Variants in TSPAN5 observed in about 807,000 individuals in gnomAD.
TSPAN5 encodes the protein tetraspanin-5.
In TSPAN5, 10 loss-of-function variants were observed where a neutral mutation model predicts 37.1. That is an observed-to-expected ratio of 0.27 (90% CI 0.17 to 0.46). The LOEUF (loss-of-function observed/expected upper bound fraction) is 0.46. Ranked by LOEUF, TSPAN5 falls within the 20% of genes least tolerant of loss-of-function variation. The pLI is 1.00. For missense variants in TSPAN5, 195 were observed against 326.6 expected (o/e 0.60, Z 3.11); for synonymous variants, 110 against 118.9 (o/e 0.93, Z 0.48).
At chr4:98,568,490 C>T (rs990719509) in intron 1 of TSPAN5, among the ~76,000 whole-genome samples, 6 of 151,960 alleles carry the variant, frequency 3.9e-5, no homozygotes, top group Admixed American at 6.6e-5. Context: ...TGCAGTGACC[C>T]GAGATCACTC....
intron 1 of TSPAN5, among the ~76,000 whole-genome samples, chr4:98,515,043 G>C (rs1277252979): frequency 6.6e-6 from 1 of 152,176 alleles, no homozygotes; most frequent in East Asian, 1.9e-4. Context: ...TGACATATAA[G>C]CAAAAACACA....
intron 1 of TSPAN5, among the ~76,000 whole-genome samples, chr4:98,626,160 T>A (rs139295366): frequency 4.7e-5 from 7 of 147,476 alleles, no homozygotes; most frequent in Non-Finnish European, 7.7e-5. Flanking sequence ...TCTGCATCAC[T>A]CACGAACAGC....
chr4:98,575,764 C>A (rs555306272), intron 1 of TSPAN5, among the ~76,000 whole-genome samples: 3 of 94,236 alleles, frequency 3.2e-5, no homozygotes, highest in East Asian at 5.5e-4. Context: ...CTGCGCCCCC[C>A]ACCCCACAAA....
At chr4:98,583,073 A>G (rs1252448941) in intron 1 of TSPAN5, among the ~76,000 whole-genome samples, 1 of 152,180 alleles carries the variant, frequency 6.6e-6, no homozygotes, top group Non-Finnish European at 1.5e-5. Context: ...TCATCCCCTC[A>G]ACCCAACTTC....
At chr4:98,635,015 A>C (rs545067472) in intron 1 of TSPAN5, among the ~76,000 whole-genome samples, 4 of 152,302 alleles carry the variant, frequency 2.6e-5, no homozygotes, top group African/African-American at 9.6e-5. Flanking sequence ...AGCTGGACAG[A>C]AGCACAGGTA....
intron 1 of TSPAN5, 119 bp from the exon 2 acceptor site, chr4:98,507,847 T>G: frequency 1.5e-6 from 1 of 685,898 alleles, no homozygotes; most frequent in Non-Finnish European, 2.4e-6. Flanking sequence ...TCCTAAAGTG[T>G]GAGCACTTAT....
intron 1 of TSPAN5, among the ~76,000 whole-genome samples, chr4:98,602,729 A>C (rs542110609): frequency 6.6e-6 from 1 of 152,348 alleles, no homozygotes; most frequent in South Asian, 2.1e-4. Flanking sequence ...AGATTAGGAA[A>C]GCAAGCTGAT....
At chr4:98,511,885 T>C (rs960242012) in intron 1 of TSPAN5, among the ~76,000 whole-genome samples, 2 of 152,080 alleles carry the variant, frequency 1.3e-5, no homozygotes, top group African/African-American at 4.8e-5. Flanking sequence ...TAGATATTGT[T>C]TTAATCCCCA....
chr4:98,507,584 T>A, intron 2 of TSPAN5, 94 bp downstream of exon 2: 1 of 902,304 alleles, frequency 1.1e-6, no homozygotes, highest in Non-Finnish European at 1.7e-6. Context: ...ATGTTTATAC[T>A]CTGTGGTTGT....
At chr4:98,555,767 T>C (rs762423624) in intron 1 of TSPAN5, among the ~76,000 whole-genome samples, 8 of 152,230 alleles carry the variant, frequency 5.3e-5, no homozygotes, top group Non-Finnish European at 1.2e-4. Context: ...ACTGCTTTCA[T>C]GTGCCTTGCT....
At chr4:98,528,838 C>G (rs1308020189) in intron 1 of TSPAN5, among the ~76,000 whole-genome samples, 1 of 152,226 alleles carries the variant, frequency 6.6e-6, no homozygotes, top group Non-Finnish European at 1.5e-5. Flanking sequence ...CTGCCCACCA[C>G]TCTGCTGGAA....
chr4:98,477,661 CCTTT>C (rs1752734863), intron 5 of TSPAN5, among the ~76,000 whole-genome samples: 1 of 119,828 alleles, frequency 8.3e-6, no homozygotes, highest in African/African-American at 4.3e-5. Context: ...TAGAGAGTTA[CCTTT>C]TTTTTTTTTT....
intron 1 of TSPAN5, among the ~76,000 whole-genome samples, chr4:98,553,353 T>C (rs1754664364): frequency 6.6e-6 from 1 of 152,194 alleles, no homozygotes; most frequent in Non-Finnish European, 1.5e-5. Flanking sequence ...ATACATTAAA[T>C]ATCACACAGT....
intron 1 of TSPAN5, among the ~76,000 whole-genome samples, chr4:98,647,035 G>A (rs1757084447): frequency 6.6e-6 from 1 of 152,088 alleles, no homozygotes; most frequent in South Asian, 2.1e-4. Flanking sequence ...CACAAGCTTG[G>A]GAACATAGCT....
At position 98,479,437 on chromosome 4, in the gene TSPAN5, G is replaced by A. The variant is rs140013241; in HGVS notation, c.451-627C>T. On this transcript the variant is annotated intron_variant, in intron 4 of 7. Coordinates refer to ENST00000305798, the MANE Select transcript of TSPAN5 (RefSeq NM_005723.4). ...AGAATGAGCCAACAGTGCGTGATGT[G>A]CTTCCCCCTGCAGAGAGCCTATGAA... Among the ~76,000 whole-genome samples the A allele has an allele frequency of 6.5e-4, 99 of 152,274 alleles. 1 individual carries two copies. In the East Asian group the frequency reaches 0.016, roughly 25 times the overall value.
chr4:98,478,217 A>C (rs1752750094), intron 5 of TSPAN5, among the ~76,000 whole-genome samples: 1 of 152,160 alleles, frequency 6.6e-6, no homozygotes. Flanking sequence ...ACTAAGCCAA[A>C]AAGAAAAGGG....
intron 1 of TSPAN5, among the ~76,000 whole-genome samples, chr4:98,601,449 C>T (rs1459031490): frequency 6.6e-6 from 1 of 152,242 alleles, no homozygotes. Context: ...TGAGCACGTG[C>T]TGCTTCACCT....
intron 7 of TSPAN5, among the ~76,000 whole-genome samples, chr4:98,473,594 G>C (rs964944398): frequency 6.6e-6 from 1 of 151,840 alleles, no homozygotes. Context: ...CGAGTAGCTG[G>C]GACTACAGGC....
chr4:98,556,383 A>G (rs1380007001), intron 1 of TSPAN5, among the ~76,000 whole-genome samples: 1 of 152,196 alleles, frequency 6.6e-6, no homozygotes, highest in Non-Finnish European at 1.5e-5. Flanking sequence ...TTGAGGAAAA[A>G]TATGAAACAC....
Sources: allele counts gnomAD v4.1 joint callset (sites outside exome capture counted in the v4.1 genomes callset), GRCh38; gene constraint gnomAD v4.1.1; transcripts MANE v1.5; gene names NCBI Gene and HGNC (gene_info 2026-07-23, HGNC 2026-07-21).